The following ADAMTSL3 variants were observed in gnomAD, a reference collection of about 807,000 sequenced individuals.
The protein encoded by ADAMTSL3 is ADAMTS-like protein 3.
In ADAMTSL3, 128 loss-of-function variants were observed where a neutral mutation model predicts 201.7. The ratio of observed to expected loss-of-function variants is 0.63; its 90% CI spans 0.55 to 0.73. The LOEUF (loss-of-function observed/expected upper bound fraction) is 0.73, where lower values mean the gene tolerates loss of function less well. ADAMTSL3 is among the 30% of genes least tolerant of loss of function. The probability of loss-of-function intolerance (pLI) is 0.00; values close to 1 mark genes in which losing one functional copy is unlikely to be tolerated. For synonymous variants in ADAMTSL3, 738 were observed against 748.4 expected (o/e 0.99, Z 0.23); for missense variants, 1,990 against 2,119.6 (o/e 0.94, Z 1.20).
At chr15:83,811,449 A>G (rs2063695204) in intron 5 of ADAMTSL3, among the ~76,000 whole-genome samples, 1 of 152,226 alleles carries the variant, frequency 6.6e-6, no homozygotes, top group Non-Finnish European at 1.5e-5. Flanking sequence ...GCTCTAGCTA[A>G]TTCCAAAAAG....
At chr15:83,685,492 T>A (rs1226818352) in intron 2 of ADAMTSL3, among the ~76,000 whole-genome samples, 1 of 152,236 alleles carries the variant, frequency 6.6e-6, no homozygotes, top group Non-Finnish European at 1.5e-5. Context: ...TTGTCTCTTA[T>A]AGTTTGCCTT....
At chr15:83,740,653 C>T (rs796193321) in intron 3 of ADAMTSL3, among the ~76,000 whole-genome samples, 1 of 152,128 alleles carries the variant, frequency 6.6e-6, no homozygotes, top group African/African-American at 2.4e-5. Flanking sequence ...GTAACGGCCA[C>T]AAAACCACAG....
chr15:83,902,946 C>G (rs2141925769), intron 15 of ADAMTSL3, among the ~76,000 whole-genome samples: 1 of 152,270 alleles, frequency 6.6e-6, no homozygotes, highest in African/African-American at 2.4e-5. Flanking sequence ...CCAGTATCAA[C>G]AATTATCAAC....
At chr15:83,951,585 A>T (rs910213389) in intron 19 of ADAMTSL3, among the ~76,000 whole-genome samples, 1 of 152,096 alleles carries the variant, frequency 6.6e-6, no homozygotes, top group African/African-American at 2.4e-5. Context: ...TTCGAGTAAG[A>T]TTGGTCTTAG....
In ADAMTSL3 at chr15:84,021,591, G is replaced by A; in HGVS notation, c.4455G>A (p.Ala1485=). ...CCTGTAACATCCGGGACTGCCCAGC[G>A]AGGTAAGTGAAGTCACTCTTTGTAT... is the stretch of plus-strand genomic sequence containing the variant. ...FEPCNIRDCP[A]RWFTSVWSQC... is the part of the protein sequence containing the mutation. The change falls in exon 26 of 30, where the codon GCG becomes GCA. Residue 1485 remains alanine (A), a splice_region_variant and synonymous_variant. Coordinates refer to ENST00000286744, the MANE Select transcript of ADAMTSL3 (RefSeq NM_207517.3). 5.0e-6 allele frequency: 8 copies of A among 1,613,468 alleles called. No homozygotes were observed. The highest frequency in any genetic ancestry group is 6.8e-6 in the Non-Finnish European group (8 of 1,179,626).
intron 3 of ADAMTSL3, among the ~76,000 whole-genome samples, chr15:83,758,373 A>T (rs1332023024): frequency 6.6e-6 from 1 of 152,208 alleles, no homozygotes; most frequent in African/African-American, 2.4e-5. Flanking sequence ...AAACTGTCGG[A>T]TGTTGTGAGA....
intron 6 of ADAMTSL3, among the ~76,000 whole-genome samples, chr15:83,830,919 T>G (rs1390744626): frequency 6.6e-6 from 1 of 152,174 alleles, no homozygotes; most frequent in Non-Finnish European, 1.5e-5. Flanking sequence ...CTTCATTAAC[T>G]TTCTGGTAAA....
At chr15:83,943,219 C>A (rs2066596602) in intron 19 of ADAMTSL3, 137 bp downstream of exon 19, 1 of 965,930 alleles carries the variant, frequency 1.0e-6, no homozygotes, top group Non-Finnish European at 1.5e-6. Context: ...TAAGGAGGTG[C>A]TCACTCACTC....
At chr15:83,664,929 A>G (rs950938209) in intron 2 of ADAMTSL3, among the ~76,000 whole-genome samples, 2 of 152,192 alleles carry the variant, frequency 1.3e-5, no homozygotes, top group African/African-American at 4.8e-5. Context: ...TACCCTGGGG[A>G]CGACCTTGAA....
intron 17 of ADAMTSL3, among the ~76,000 whole-genome samples, chr15:83,930,566 C>G (rs1182795103): frequency 6.6e-6 from 1 of 152,214 alleles, no homozygotes; most frequent in Non-Finnish European, 1.5e-5. Context: ...AGCAAGAGTT[C>G]TTACACATTC....
At chr15:83,882,643 C>T (rs967374) in intron 9 of ADAMTSL3, among the ~76,000 whole-genome samples, 127,798 of 152,120 alleles carry the variant, frequency 0.84, 54,102 homozygotes, top group African/African-American at 0.94. Flanking sequence ...GATTGGTCAT[C>T]TGATTATAGG....
chr15:83,688,645 C>T (rs2061568437), intron 2 of ADAMTSL3, among the ~76,000 whole-genome samples: 2 of 151,704 alleles, frequency 1.3e-5, no homozygotes. Context: ...TGTGTTTACT[C>T]ATTTTCCTCC....
At chr15:83,826,527 A>G (rs1043086949) in intron 6 of ADAMTSL3, among the ~76,000 whole-genome samples, 1 of 151,486 alleles carries the variant, frequency 6.6e-6, no homozygotes, top group Non-Finnish European at 1.5e-5. Context: ...TAAAAAAATT[A>G]TACTTTAAGT....
rs1483611700 is a variant in ADAMTSL3 at position 83,982,509 on chromosome 15, A to G, written c.2881A>G (p.Ile961Val). ...RCLQNSKRLG[I>V]TKSGSLKIHG... is the part of the protein sequence containing the mutation. ...CCTGCAGAACTCCAAACGGCTTGGC[A>G]TCACCAAGTCAGGCTCACTAAAAAT... Residue 961 changes from isoleucine (I) to valine (V), a missense_variant, in exon 21 of 30, where the codon ATC (isoleucine) becomes GTC (valine). Coordinates refer to ENST00000286744, the MANE Select transcript of ADAMTSL3 (RefSeq NM_207517.3). The G allele has an allele frequency of 1.2e-6, 2 of 1,614,090 alleles. No homozygotes were observed. The highest frequency in any genetic ancestry group is 1.3e-5 in the African/African-American group (1 of 74,928).
rs116684777 is a variant in ADAMTSL3, at chr15:84,019,158, A to G, written c.4274-2252A>G. On this transcript the variant is annotated intron_variant, in intron 25 of 29. Transcript: ENST00000286744. ...ACAGACGTTTCACAAAAGATGATAT[A>G]TAGATGGCATCAGGGAAATGGAAAT... Among the ~76,000 whole-genome samples the G allele has an allele frequency of 6.9e-3, 1,055 of 151,994 alleles. 15 individuals are homozygous for G. Among genetic ancestry groups the G allele is most frequent in the African/African-American group, 0.024 (1,004 of 41,424 alleles).
chr15:83,988,766 T>G lies in ADAMTSL3; in HGVS notation c.3792T>G (p.Ser1264=). Residue 1264 remains serine, a synonymous_variant, in exon 22 of 30, where the codon TCT becomes TCG. Coordinates refer to ENST00000286744, the MANE Select transcript of ADAMTSL3 (RefSeq NM_207517.3). ...TRKEQGIYEC[S]VANHLGSDVE... ...AAGAACAAGGCATATATGAATGTTC[T>G]GTAGCTAATCATCTTGGTTCAGATG... 6.2e-7 allele frequency: 1 copy of G among 1,609,336 alleles called. No individual in the cohort carries two copies. The highest frequency in any genetic ancestry group is 8.5e-7 in the Non-Finnish European group (1 of 1,177,168).
intron 17 of ADAMTSL3, among the ~76,000 whole-genome samples, chr15:83,940,589 A>G (rs758115793): frequency 6.6e-6 from 1 of 152,154 alleles, no homozygotes; most frequent in Non-Finnish European, 1.5e-5. Flanking sequence ...AAATACCATC[A>G]TGCTGGGGTT....
At chr15:83,657,248 A>G (rs1177038600) in intron 2 of ADAMTSL3, among the ~76,000 whole-genome samples, 1 of 152,130 alleles carries the variant, frequency 6.6e-6, no homozygotes, top group Non-Finnish European at 1.5e-5. Context: ...TTCACCTTAT[A>G]AAATTTAAAT....
At chr15:83,718,847 AC>A (rs2062056711) in intron 3 of ADAMTSL3, among the ~76,000 whole-genome samples, 4 of 152,314 alleles carry the variant, frequency 2.6e-5, no homozygotes, top group African/African-American at 9.6e-5. Context: ...TCAACTCATT[AC>A]ATTGAAAACA....
Sources: allele counts gnomAD v4.1 joint callset (sites outside exome capture counted in the v4.1 genomes callset), GRCh38; gene constraint gnomAD v4.1.1; transcripts MANE v1.5; gene names NCBI Gene and HGNC (gene_info 2026-07-23, HGNC 2026-07-21).